TOM1L2: variants seen among roughly 807,000 people sequenced by gnomAD.
TOM1L2 encodes TOM1-like protein 2.
A neutral mutation model predicts 67.9 loss-of-function variants in TOM1L2; 31 were observed. The observed-to-expected ratio is 0.46, with a 90% CI of 0.34 to 0.62. The LOEUF (loss-of-function observed/expected upper bound fraction) is 0.62. TOM1L2 is among the 20% of genes least tolerant of loss of function. The pLI, the probability that TOM1L2 is intolerant of heterozygous loss-of-function variation, is 0.01. For missense variants in TOM1L2, 606 were observed against 663.5 expected, an observed-to-expected ratio of 0.91 and a Z score of 0.95; for synonymous variants, 256 against 254.0, an observed-to-expected ratio of 1.01 and a Z score of -0.07.
intron 2 of TOM1L2, among the ~76,000 whole-genome samples, chr17:17,900,160 C>T (rs1247810969): frequency 6.6e-6 from 1 of 152,100 alleles, no homozygotes; most frequent in Non-Finnish European, 1.5e-5. Context: ...TTGCAGTGAG[C>T]TGAGATCACG....
intron 4 of TOM1L2, among the ~76,000 whole-genome samples, chr17:17,892,347 C>T (rs969483459): frequency 1.3e-5 from 2 of 152,202 alleles, no homozygotes; most frequent in African/African-American, 2.4e-5. Context: ...TGGAGCCCCA[C>T]GCCCAGCCCT....
intron 2 of TOM1L2, among the ~76,000 whole-genome samples, chr17:17,903,065 T>C (rs1237191841): frequency 6.6e-6 from 1 of 152,048 alleles, no homozygotes; most frequent in Non-Finnish European, 1.5e-5. Context: ...TCTGTAAGAC[T>C]CCAGTCTGGT....
At position 17,895,003 on chromosome 17, in the gene TOM1L2, G is replaced by A. The variant is rs189591390; in HGVS notation, c.217-1193C>T. ...TGCATGCATGCATGCATAAAATAAT[G>A]CACATAGCAAAGTATCCTGCATAGG... On this transcript the variant is annotated intron_variant, in intron 3 of 14. Coordinates refer to ENST00000379504, the MANE Select transcript of TOM1L2 (RefSeq NM_001082968.2). Among the ~76,000 whole-genome samples the A allele has an allele frequency of 1.8e-3, 249 of 136,170 alleles. 3 individuals are homozygous for A. Among genetic ancestry groups the A allele is most frequent in the Non-Finnish European group, 3.1e-4 (18 of 58,320 alleles). 89.3% of individuals were successfully genotyped at this position (136,170 alleles called of 152,430 possible).
intron 1 of TOM1L2, among the ~76,000 whole-genome samples, chr17:17,930,092 C>T (rs536364562): frequency 6.6e-6 from 1 of 152,320 alleles, no homozygotes; most frequent in East Asian, 1.9e-4. Flanking sequence ...AAAAAAGACA[C>T]TCCATTCTAG....
chr17:17,899,851 C>T (rs538556553), intron 2 of TOM1L2, among the ~76,000 whole-genome samples: 1 of 152,292 alleles, frequency 6.6e-6, no homozygotes, highest in Admixed American at 6.5e-5. Context: ...ATGAAAAGGC[C>T]CCTTCAAATG....
intron 1 of TOM1L2, among the ~76,000 whole-genome samples, chr17:17,957,986 A>T (rs1052005463): frequency 1.3e-5 from 2 of 152,044 alleles, no homozygotes; most frequent in African/African-American, 4.8e-5. Context: ...GCTATTCAGC[A>T]GGCTGAGGCA....
chr17:17,909,266 C>T (rs1416003675), intron 1 of TOM1L2, among the ~76,000 whole-genome samples: 3 of 152,084 alleles, frequency 2.0e-5, no homozygotes, highest in South Asian at 2.1e-4. Flanking sequence ...CCCAAAAGAA[C>T]TGAAAGCAGG....
chr17:17,877,220 G>A (rs950641552), intron 7 of TOM1L2, among the ~76,000 whole-genome samples: 30 of 152,262 alleles, frequency 2.0e-4, no homozygotes, highest in African/African-American at 5.3e-4. Context: ...GGAGGCAACC[G>A]GGACATAACC....
Position 17,862,988 on chromosome 17 carries a change from C to T in TOM1L2, c.1085-140G>A. ...TGGGGCGGGACTTTCCTTGGTACTC[C>T]CAGTGCACCACATGCCGGAGGAGCC... On this transcript the variant is annotated intron_variant, in intron 10 of 14. Coordinates refer to ENST00000379504, the MANE Select transcript of TOM1L2 (RefSeq NM_001082968.2). 4 of 667,504 alleles carry T rather than the reference C, an allele frequency of 6.0e-6. No individual in the cohort carries two copies. The South Asian group carries it at 7.2e-5, about 12-fold the overall frequency. The allele number at this position is 667,504 out of a possible 1,614,324, so 41.3% of individuals were successfully genotyped here.
At chr17:17,867,063 T>G in intron 8 of TOM1L2, 139 bp from the exon 9 acceptor site, 1 of 766,004 alleles carries the variant, frequency 1.3e-6, no homozygotes, top group Non-Finnish European at 2.3e-6. Context: ...TGAAACCATA[T>G]ATCAACTCTG....
intron 4 of TOM1L2, among the ~76,000 whole-genome samples, chr17:17,887,183 G>C (rs1461780395): frequency 6.6e-6 from 1 of 152,242 alleles, no homozygotes; most frequent in Non-Finnish European, 1.5e-5. Flanking sequence ...TCTGTTATTT[G>C]CGATCAAGTA....
intron 10 of TOM1L2, 102 bp downstream of exon 10, chr17:17,866,194 A>G (rs1048779627): frequency 2.8e-5 from 39 of 1,384,182 alleles, no homozygotes; most frequent in African/African-American, 2.1e-4. Context: ...GTATTTCCCA[A>G]AAGACTCTCT....
chr17:17,850,494 GAAAACAAAAC>G (rs911834296), intron 13 of TOM1L2, among the ~76,000 whole-genome samples: 1 of 150,442 alleles, frequency 6.6e-6, no homozygotes, highest in African/African-American at 2.4e-5. Context: ...AAAAAGAAAT[GAAAACAAAAC>G]AAAACAAAAC....
intron 7 of TOM1L2, among the ~76,000 whole-genome samples, chr17:17,872,427 C>T (rs2037198173): frequency 6.6e-6 from 1 of 152,174 alleles, no homozygotes; most frequent in South Asian, 2.1e-4. Context: ...ACCATCCTCC[C>T]CTGCTTCCTA....
At position 17,861,544 on chromosome 17, in the gene TOM1L2, A is replaced by C; in HGVS notation, c.1210T>G (p.Tyr404Asp). ...SLAEQRKTVT[Y>D]EDPQAVGGLA... ...CCTCCGACAGCCTGAGGATCCTCAT[A>C]GGTTACCCTGGAGATGAAGAAGCAG... Residue 404 changes from tyrosine to aspartate, a missense_variant, in exon 12 of 15, where the codon TAT becomes GAT. Around this residue, in one of 2 missense-constraint regions of TOM1L2, gnomAD observed 543 missense variants for 554.0 expected, o/e 0.98. Transcript: ENST00000379504. 6.2e-7 allele frequency: 1 copy of C among 1,614,016 alleles called. No homozygotes were observed. Among genetic ancestry groups the C allele is most frequent in the Non-Finnish European group, 8.5e-7 (1 of 1,179,968 alleles).
intron 10 of TOM1L2, 71 bp downstream of exon 10, chr17:17,866,225 A>G: frequency 6.7e-7 from 1 of 1,501,576 alleles, no homozygotes. Context: ...CAAGAAAGAA[A>G]GAGAGGTGGC....
At chr17:17,908,876 C>T (rs114484048) in intron 1 of TOM1L2, among the ~76,000 whole-genome samples, 2,241 of 152,206 alleles carry the variant, frequency 0.015, 43 homozygotes, top group African/African-American at 0.05. Flanking sequence ...GAAAACAGGA[C>T]GGTAGTTAAA....
At chr17:17,911,410 C>T (rs2039343605) in intron 1 of TOM1L2, among the ~76,000 whole-genome samples, 1 of 152,220 alleles carries the variant, frequency 6.6e-6, no homozygotes, top group Non-Finnish European at 1.5e-5. Context: ...TACAATTATC[C>T]GTCCAGAGGG....
At chr17:17,959,899 A>G (rs965545117) in intron 1 of TOM1L2, among the ~76,000 whole-genome samples, 1 of 152,252 alleles carries the variant, frequency 6.6e-6, no homozygotes, top group Admixed American at 6.5e-5. Context: ...TTGGTCAGTT[A>G]GACAATTTAG....
Sources: allele counts gnomAD v4.1 joint callset (sites outside exome capture counted in the v4.1 genomes callset), GRCh38; gene constraint gnomAD v4.1.1; regional missense constraint gnomAD v4.1.1; transcripts MANE v1.5; gene names NCBI Gene and HGNC (gene_info 2026-07-23, HGNC 2026-07-21).